The following CLASP2 variants were observed in gnomAD, a reference collection of about 807,000 sequenced individuals.
CLASP2 encodes the protein cytoplasmic linker associated protein 2, also known as CLIP-associating protein 2.
CLASP2 carries 47 observed loss-of-function variants against 194.4 expected under a neutral mutation model. The observed-to-expected ratio is 0.24, with a 90% CI of 0.19 to 0.31. The LOEUF (loss-of-function observed/expected upper bound fraction) is 0.31, where lower values mean the gene tolerates loss of function less well. Ranked by LOEUF, CLASP2 falls within the 10% of genes least tolerant of loss-of-function variation. The pLI, the probability that CLASP2 is intolerant of heterozygous loss-of-function variation, is 1.00. For missense variants in CLASP2, 1,445 were observed against 1,823.6 expected (o/e 0.79, Z 3.78); for synonymous variants, 619 against 633.5 (o/e 0.98, Z 0.34).
intron 8 of CLASP2, among the ~76,000 whole-genome samples, chr3:33,636,807 G>T (rs936112158): frequency 1.3e-5 from 2 of 152,064 alleles, no homozygotes; most frequent in African/African-American, 4.8e-5. Context: ...TACCATATTG[G>T]CCAGGCTGGT....
chr3:33,694,822 T>A (rs1481176215), intron 2 of CLASP2, among the ~76,000 whole-genome samples: 1 of 152,032 alleles, frequency 6.6e-6, no homozygotes, highest in Non-Finnish European at 1.5e-5. Context: ...ACACCTGTGG[T>A]CCCAGCTACT....
intron 5 of CLASP2, among the ~76,000 whole-genome samples, chr3:33,686,023 A>C (rs2154345939): frequency 6.6e-6 from 1 of 152,276 alleles, no homozygotes; most frequent in Non-Finnish European, 1.5e-5. Flanking sequence ...GCTATAATAA[A>C]AGGAAAAAAA....
chr3:33,563,083 T>C (rs542513554), intron 27 of CLASP2, among the ~76,000 whole-genome samples: 18 of 152,192 alleles, frequency 1.2e-4, no homozygotes, highest in Non-Finnish European at 2.4e-4. Context: ...CTCTAAAACA[T>C]GGTCTCCTCT....
intron 16 of CLASP2, 116 bp from the exon 17 acceptor site, chr3:33,604,325 T>C: frequency 4.1e-6 from 3 of 723,610 alleles, no homozygotes; most frequent in South Asian, 3.6e-5. Context: ...TTTTTCTTTT[T>C]TTTTTTTTTT....
intron 38 of CLASP2, 38 bp from the exon 39 acceptor site, chr3:33,498,755 C>CT: frequency 7.4e-7 from 1 of 1,358,238 alleles, no homozygotes; most frequent in South Asian, 1.2e-5. Context: ...TTTGAGCAAG[C>CT]TGCTCCAAAT....
At chr3:33,611,230 C>T (rs144147355) in intron 13 of CLASP2, among the ~76,000 whole-genome samples, 35 of 152,286 alleles carry the variant, frequency 2.3e-4, no homozygotes, top group East Asian at 1.5e-3. Context: ...AGGACATCTA[C>T]GCAGCAACTG....
At chr3:33,699,062 G>A (rs1258843298) in intron 1 of CLASP2, among the ~76,000 whole-genome samples, 1 of 152,140 alleles carries the variant, frequency 6.6e-6, no homozygotes, top group Non-Finnish European at 1.5e-5. Flanking sequence ...TTTTTTAAAT[G>A]CATTAAAAGC....
At chr3:33,692,632 T>G (rs930382411) in intron 2 of CLASP2, among the ~76,000 whole-genome samples, 2 of 152,124 alleles carry the variant, frequency 1.3e-5, no homozygotes, top group Non-Finnish European at 2.9e-5. Flanking sequence ...TACGGAAGGA[T>G]GACAGAACTA....
At chr3:33,607,086 A>G (rs1047192841) in intron 15 of CLASP2, among the ~76,000 whole-genome samples, 2 of 152,224 alleles carry the variant, frequency 1.3e-5, no homozygotes, top group African/African-American at 4.8e-5. Flanking sequence ...ATAACATATA[A>G]CAAGTACTTC....
chr3:33,630,027 T>C (rs2078783778), intron 9 of CLASP2, among the ~76,000 whole-genome samples: 2 of 152,018 alleles, frequency 1.3e-5, no homozygotes, highest in Admixed American at 1.3e-4. Flanking sequence ...GAGATCCTAG[T>C]CAGTAATGAG....
intron 6 of CLASP2, among the ~76,000 whole-genome samples, chr3:33,671,246 C>G (rs1158995321): frequency 6.6e-6 from 1 of 152,150 alleles, no homozygotes; most frequent in African/African-American, 2.4e-5. Flanking sequence ...GACTACAGAA[C>G]ACTTCCTCTC....
At chr3:33,588,685 T>A in intron 21 of CLASP2, 1 of 702,050 alleles carries the variant, frequency 1.4e-6, no homozygotes, top group Non-Finnish European at 2.6e-6. Context: ...GATGCACACA[T>A]AAAGTCTATA....
intron 6 of CLASP2, among the ~76,000 whole-genome samples, chr3:33,671,661 A>G (rs1281646031): frequency 2.0e-5 from 3 of 152,230 alleles, no homozygotes; most frequent in Non-Finnish European, 4.4e-5. Flanking sequence ...TGGGAAGCAC[A>G]AGGGGTCAGG....
chr3:33,594,107 G>A (rs1309202336), intron 20 of CLASP2, among the ~76,000 whole-genome samples: 1 of 152,166 alleles, frequency 6.6e-6, no homozygotes, highest in African/African-American at 2.4e-5. Context: ...GCCTTTCAAA[G>A]TGCTGGGATT....
chr3:33,643,423 C>A (rs1000819441), intron 8 of CLASP2, among the ~76,000 whole-genome samples: 14 of 151,606 alleles, frequency 9.2e-5, no homozygotes, highest in African/African-American at 3.4e-4. Context: ...TTTTTACTAG[C>A]GGTAAATAGG....
intron 1 of CLASP2, among the ~76,000 whole-genome samples, chr3:33,704,053 G>A (rs1217381601): frequency 6.6e-6 from 1 of 152,214 alleles, no homozygotes; most frequent in East Asian, 1.9e-4. Flanking sequence ...TATGGAGATG[G>A]TAAAAGGATC....
intron 6 of CLASP2, among the ~76,000 whole-genome samples, chr3:33,671,999 C>A (rs1329230549): frequency 6.6e-6 from 1 of 152,236 alleles, no homozygotes; most frequent in African/African-American, 2.4e-5. Context: ...TCTGTAGGCT[C>A]CACCTCTGGG....
intron 27 of CLASP2, among the ~76,000 whole-genome samples, chr3:33,562,610 C>G (rs1450395939): frequency 1.3e-5 from 2 of 152,126 alleles, no homozygotes; most frequent in Non-Finnish European, 2.9e-5. Flanking sequence ...ATCAGAGCTT[C>G]CTGCCTCTCC....
chr3:33,549,823 C>T (rs1341648967), intron 30 of CLASP2, among the ~76,000 whole-genome samples: 2 of 151,338 alleles, frequency 1.3e-5, no homozygotes, highest in South Asian at 2.1e-4. Flanking sequence ...ATTGCATCCT[C>T]GACCTCCTGG....
Sources: allele counts gnomAD v4.1 joint callset (sites outside exome capture counted in the v4.1 genomes callset), GRCh38; gene constraint gnomAD v4.1.1; transcripts MANE v1.5; gene names NCBI Gene and HGNC (gene_info 2026-07-23, HGNC 2026-07-21).